Variants in THBS4 observed in about 807,000 individuals in gnomAD.
THBS4 encodes the protein thrombospondin-4.
A neutral mutation model predicts 115.7 loss-of-function variants in THBS4; 90 were observed. The observed-to-expected ratio is 0.78, with a 90% CI of 0.66 to 0.93. The LOEUF (loss-of-function observed/expected upper bound fraction) is 0.93, where lower values mean the gene tolerates loss of function less well. Among genes scored for constraint, THBS4 ranks in the 40% least tolerant of loss-of-function variants. The pLI is 0.00. For missense variants in THBS4, 1,087 were observed against 1,232.7 expected (o/e 0.88, Z 1.77); for synonymous variants, 460 against 479.3 (o/e 0.96, Z 0.53).
chr5:80,026,758 G>A (rs889345328), intron 2 of THBS4, among the ~76,000 whole-genome samples: 7 of 152,174 alleles, frequency 4.6e-5, no homozygotes, highest in African/African-American at 1.7e-4. Flanking sequence ...CAGCCTATAG[G>A]CTATAGTTGC....
At chr5:80,067,190 G>A (rs1833860299) in intron 9 of THBS4, 1 of 151,912 alleles carries the variant, frequency 6.6e-6, no homozygotes, top group Non-Finnish European at 1.5e-5. Context: ...AAAAAAGGAA[G>A]GTAACTATGT....
intron 1 of THBS4, among the ~76,000 whole-genome samples, chr5:79,998,067 T>G (rs904555752): frequency 6.6e-6 from 1 of 152,144 alleles, no homozygotes; most frequent in Non-Finnish European, 1.5e-5. Context: ...CTCTTAAAAC[T>G]TACAACAAGA....
At position 80,061,774 on chromosome 5, in the gene THBS4, G is replaced by T; in HGVS notation, c.1067G>T (p.Gly356Val). ...TTCAGATGTGACGCCTGCCCAGTGG[G>T]CTTCACAGGGCCCATGGTGCAGGGT... ...PGFRCDACPV[G>V]FTGPMVQGVG... is the part of the protein sequence containing the mutation. The change falls in exon 8 of 22, where the codon GGC becomes GTC. Residue 356 changes from glycine (G) to valine (V), a missense_variant. This residue lies in a region of THBS4 where 979 missense variants were observed against 1,103.7 expected (regional missense o/e 0.89). Coordinates refer to ENST00000350881, the MANE Select transcript of THBS4 (RefSeq NM_003248.6). 2 of 1,614,106 alleles carry T rather than the reference G, an allele frequency of 1.2e-6. No individual in the cohort carries two copies. The highest frequency in any genetic ancestry group is 8.5e-7 in the Non-Finnish European group (1 of 1,180,014).
At chr5:80,047,926 T>C (rs999069896) in intron 2 of THBS4, among the ~76,000 whole-genome samples, 6 of 151,080 alleles carry the variant, frequency 4.0e-5, no homozygotes, top group South Asian at 4.3e-4. Context: ...ATTACAGGCA[T>C]GAGCCACCGC....
At chr5:80,056,256 G>T (rs1349392454) in intron 3 of THBS4, among the ~76,000 whole-genome samples, 1 of 152,088 alleles carries the variant, frequency 6.6e-6, no homozygotes, top group Non-Finnish European at 1.5e-5. Context: ...TTATGCTAGG[G>T]GCATCAGCAT....
chr5:80,075,580 T>C (rs1743163687), intron 15 of THBS4, among the ~76,000 whole-genome samples: 1 of 152,204 alleles, frequency 6.6e-6, no homozygotes, highest in Non-Finnish European at 1.5e-5. Context: ...CAGGTCATCT[T>C]GCACTCTGAC....
intron 1 of THBS4, among the ~76,000 whole-genome samples, chr5:79,997,235 C>CA (rs1475336322): frequency 6.6e-6 from 1 of 151,930 alleles, no homozygotes; most frequent in Non-Finnish European, 1.5e-5. Context: ...AATTAAAAGA[C>CA]AGAAATTGGC....
At chr5:80,014,037 A>T (rs16877428) in intron 2 of THBS4, among the ~76,000 whole-genome samples, 26,427 of 152,124 alleles carry the variant, frequency 0.17, 2,384 homozygotes, top group South Asian at 0.25. Flanking sequence ...CTTGCCTGTT[A>T]TTCATCACTG....
At chr5:80,078,870 G>T (rs781061261) in intron 17 of THBS4, 51 bp from the exon 18 acceptor site, 2 of 1,579,428 alleles carry the variant, frequency 1.3e-6, no homozygotes, top group Non-Finnish European at 8.6e-7. Flanking sequence ...CTTCCTTAAG[G>T]TTACTTGGCC....
At chr5:80,034,195 A>T (rs1832641552), upstream of THBS4, among the ~76,000 whole-genome samples, 1 of 152,226 alleles carries the variant, frequency 6.6e-6, no homozygotes, top group African/African-American at 2.4e-5. Flanking sequence ...GTAATGTGGC[A>T]TTAAAGGAAC....
chr5:80,013,550 G>A (rs1255705176), intron 2 of THBS4, among the ~76,000 whole-genome samples: 1 of 152,182 alleles, frequency 6.6e-6, no homozygotes, highest in East Asian at 1.9e-4. Context: ...TCCTATTTAT[G>A]TTTGCCTCTG....
chr5:80,036,083 A>G, intron 1 of THBS4: 2 of 987,986 alleles, frequency 2.0e-6, no homozygotes, highest in Non-Finnish European at 2.4e-6. Context: ...GAATTACTCT[A>G]CTTGCCCTGC....
intron 2 of THBS4, among the ~76,000 whole-genome samples, chr5:80,001,465 G>A (rs551455048): frequency 6.6e-6 from 1 of 152,194 alleles, no homozygotes; most frequent in Non-Finnish European, 1.5e-5. Flanking sequence ...TTACTGAATG[G>A]CGTACATGGA....
chr5:80,079,353 A>T, intron 19 of THBS4, 95 bp downstream of exon 19: 2 of 1,284,448 alleles, frequency 1.6e-6, no homozygotes, highest in Non-Finnish European at 2.1e-6. Flanking sequence ...TAGTTAATCT[A>T]AAAAAAATTG....
chr5:80,015,951 A>G (rs1832237452), intron 2 of THBS4, among the ~76,000 whole-genome samples: 1 of 152,234 alleles, frequency 6.6e-6, no homozygotes, highest in Non-Finnish European at 1.5e-5. Flanking sequence ...TTGGCAAGCA[A>G]CAAGGGTGAT....
At chr5:79,997,388 A>ATGTG (rs754234276) in intron 1 of THBS4, among the ~76,000 whole-genome samples, 50 of 151,258 alleles carry the variant, frequency 3.3e-4, no homozygotes, top group South Asian at 8.4e-4. Context: ...GTATGCGTGT[A>ATGTG]TGTGTGTGTG....
chr5:80,076,462 C>G (rs1004287803), intron 15 of THBS4, among the ~76,000 whole-genome samples: 1 of 152,204 alleles, frequency 6.6e-6, no homozygotes, highest in African/African-American at 2.4e-5. Context: ...TGCCTGAGGT[C>G]ACACGCTGGG....
At chr5:79,998,166 A>G (rs887612019) in intron 1 of THBS4, among the ~76,000 whole-genome samples, 1 of 152,210 alleles carries the variant, frequency 6.6e-6, no homozygotes, top group African/African-American at 2.4e-5. Flanking sequence ...TGCCCAAATC[A>G]CATGTCGAAT....
intron 2 of THBS4, among the ~76,000 whole-genome samples, chr5:80,054,318 CTT>C (rs56296474): frequency 1.6e-5 from 2 of 123,952 alleles, no homozygotes; most frequent in Admixed American, 8.4e-5. Context: ...CACACCTGGC[CTT>C]TTTTTTTTTT....
Sources: gnomAD v4.1 joint callset for allele counts (sites outside exome capture counted in the v4.1 genomes callset) on GRCh38, gnomAD v4.1.1 for gene constraint, gnomAD v4.1.1 regional missense constraint, MANE v1.5 for transcripts, NCBI Gene and HGNC (gene_info 2026-07-23, HGNC 2026-07-21) for gene names.